TELO2: variants seen among roughly 807,000 people sequenced by gnomAD.
TELO2 encodes the protein telomere length regulation protein TEL2 homolog.
TELO2 carries 71 observed loss-of-function variants against 91.0 expected under a neutral mutation model. The ratio of observed to expected loss-of-function variants is 0.78; its 90% CI spans 0.64 to 0.95. The LOEUF (loss-of-function observed/expected upper bound fraction) is 0.95, where lower values mean the gene tolerates loss of function less well. Ranked by LOEUF, TELO2 falls within the 40% of genes least tolerant of loss-of-function variation. The pLI, the probability that TELO2 is intolerant of heterozygous loss-of-function variation, is 0.00. For missense variants in TELO2, 1,183 were observed against 1,141.3 expected (o/e 1.04, Z -0.53); for synonymous variants, 584 against 518.9 (o/e 1.13, Z -1.71).
rs1555470094 is a variant in TELO2, at chr16:1,496,985, C to G, written c.614-51C>G. ...GCAGCTCTCCCCACACCTAGATGTT[C>G]TTTTGTGCCTTCCCGCCGGCTTCCT... On this transcript the variant is annotated intron_variant, in intron 3 of 20. Coordinates refer to ENST00000262319, the MANE Select transcript of TELO2 (RefSeq NM_016111.4). The G allele has an allele frequency of 3.2e-6, 5 of 1,585,896 alleles. No homozygotes were observed. The Admixed American group carries it at 5.2e-5, about 16-fold the overall frequency.
intron 15 of TELO2, 83 bp downstream of exon 15, chr16:1,503,085 T>TG: frequency 6.6e-7 from 1 of 1,506,404 alleles, no homozygotes; most frequent in Non-Finnish European, 9.1e-7. Context: ...GTCTCCTTGT[T>TG]GCTGGGCCCC....
At chr16:1,498,511 C>T (rs979709973) in intron 5 of TELO2, among the ~76,000 whole-genome samples, 1 of 152,040 alleles carries the variant, frequency 6.6e-6, no homozygotes, top group Non-Finnish European at 1.5e-5. Flanking sequence ...GATTATAGCT[C>T]ACTGCAGCCT....
intron 9 of TELO2, among the ~76,000 whole-genome samples, chr16:1,500,930 G>A (rs775603865): frequency 1.1e-4 from 17 of 152,236 alleles, no homozygotes; most frequent in Non-Finnish European, 2.1e-4. Context: ...GCCTGGACAC[G>A]TTCACAGACT....
intron 2 of TELO2, 135 bp from the exon 3 acceptor site, chr16:1,495,211 G>C: frequency 1.6e-6 from 2 of 1,255,524 alleles, no homozygotes; most frequent in Non-Finnish European, 2.2e-6. Context: ...TTCCCATCCG[G>C]CTTGTGGTTT....
intron 11 of TELO2, 114 bp from the exon 12 acceptor site, chr16:1,501,933 C>A: frequency 1.3e-6 from 2 of 1,507,452 alleles, no homozygotes; most frequent in Non-Finnish European, 1.8e-6. Context: ...ACCGTAGGCG[C>A]AGGGGCCGAG....
chr16:1,504,874 G>A (rs202076966), intron 15 of TELO2, among the ~76,000 whole-genome samples: 27 of 152,072 alleles, frequency 1.8e-4, no homozygotes, highest in African/African-American at 5.3e-4. Flanking sequence ...TCACGCAGCC[G>A]CCTCTGTCTA....
Position 1,497,066 on chromosome 16 carries a change from C to T in TELO2, c.644C>T (p.Ser215Phe), listed in dbSNP as rs758288209. ...CTGGATTCCTCCGTGTCCTTCGTGT[C>T]TCAGGTCCTTGGGAAAGCCTGTGTC... Reference protein sequence around the residue: ...GGLDSSVSFVSQVLGKACVHG... With the variant: ...GGLDSSVSFVFQVLGKACVHG... Residue 215 changes from serine (S) to phenylalanine (F), a missense_variant, in exon 4 of 21, where the codon TCT becomes TTT. By Grantham distance (155) the Ser-to-Phe change is radical. Coordinates refer to ENST00000262319, the MANE Select transcript of TELO2 (RefSeq NM_016111.4). This position sits in a 1 kb window ranked among gnomAD's most constrained non-coding sequence, Gnocchi z 4.0. 1.9e-6 allele frequency: 3 copies of T among 1,614,116 alleles called. No individual in the cohort carries two copies. In the Admixed American group the frequency reaches 5.0e-5, roughly 27 times the overall value.
chr16:1,510,322 C>T lies in TELO2; in HGVS notation c.*386C>T. Reference sequence around the variant, plus strand: ...GGACAGAGCAGCTCTTGTCCCAGGTCCCTCGGGCTGAGCGCCGTGTCACCA... The same window carrying T: ...GGACAGAGCAGCTCTTGTCCCAGGTTCCTCGGGCTGAGCGCCGTGTCACCA... On this transcript the variant is annotated 3_prime_UTR_variant, in exon 21 of 21. Transcript: ENST00000262319. The T allele has an allele frequency of 3.8e-6, 1 of 262,682 alleles. No individual in the cohort carries two copies. Among genetic ancestry groups the T allele is most frequent in the Non-Finnish European group, 7.4e-6 (1 of 135,040 alleles). The allele number at this position is 262,682 out of a possible 1,614,324, so 16.3% of individuals were successfully genotyped here.
At position 1,497,883 on chromosome 16, in the gene TELO2, T is replaced by G. The variant is rs1399590579; in HGVS notation, c.830+375T>G. ...CGTCTTTGTGCAGGAGAATCAAGGT[T>G]GCATTTCTGGAAGCAGGACTGCCGG... On this transcript the variant is annotated intron_variant, in intron 5 of 20. Transcript: ENST00000262319. The surrounding 1 kb of genome is among the most constrained non-coding windows in gnomAD (Gnocchi z 4.0). Among the ~76,000 whole-genome samples the G allele has an allele frequency of 6.6e-6, 1 of 152,104 alleles. No individual in the cohort carries two copies. Among genetic ancestry groups the G allele is most frequent in the Non-Finnish European group, 1.5e-5 (1 of 68,008 alleles).
chr16:1,508,189 G>A (rs1255027096), intron 20 of TELO2, among the ~76,000 whole-genome samples: 1 of 152,014 alleles, frequency 6.6e-6, no homozygotes, highest in Non-Finnish European at 1.5e-5. Context: ...CTGGAGTGCC[G>A]TGGCACAATC....
intron 6 of TELO2, among the ~76,000 whole-genome samples, chr16:1,499,869 C>G (rs543084871): frequency 8.5e-5 from 13 of 152,368 alleles, no homozygotes; most frequent in African/African-American, 3.1e-4. Flanking sequence ...ACCGTTTTAT[C>G]ACGTTCAGTT....
Position 1,500,330 on chromosome 16 carries a change from G to A in TELO2, c.1003-17G>A, listed in dbSNP as rs753635237. On this transcript the variant is annotated splice_polypyrimidine_tract_variant and intron_variant, in intron 7 of 20. Transcript: ENST00000262319. ...TGGCCCCGAGCCCCACACAGTCGTGGGCCATGCCACCTGCAGGTGCTGAAG... is the reference window on the plus strand; with the variant it reads ...TGGCCCCGAGCCCCACACAGTCGTGAGCCATGCCACCTGCAGGTGCTGAAG... 86 of 1,572,244 alleles carry A rather than the reference G, an allele frequency of 5.5e-5. No individual in the cohort carries two copies. The highest frequency in any genetic ancestry group is 4.3e-4 in the Middle Eastern group (2 of 4,704).
chr16:1,505,240 G>A lies in TELO2; in HGVS notation c.1843-170G>A, dbSNP rs903289696. 2.5e-5 allele frequency: 18 copies of A among 723,940 alleles called. No individual in the cohort carries two copies. Among genetic ancestry groups the A allele is most frequent in the African/African-American group, 2.1e-4 (12 of 56,230 alleles). The allele number at this position is 723,940 out of a possible 1,614,324, so 44.8% of individuals were successfully genotyped here. ...TCCCCACCTTCCCGCCTACCAAGGC[G>A]CGGTTGCTGTGAGCTACGGGGAAGT... is the stretch of plus-strand genomic sequence containing the variant. On this transcript the variant is annotated intron_variant, in intron 15 of 20. Coordinates refer to ENST00000262319, the MANE Select transcript of TELO2 (RefSeq NM_016111.4). This position sits in a 1 kb window ranked among gnomAD's most constrained non-coding sequence, Gnocchi z 4.3.
intron 9 of TELO2, among the ~76,000 whole-genome samples, 198 bp downstream of exon 9, chr16:1,500,897 A>C (rs2039655403): frequency 6.6e-6 from 1 of 152,214 alleles, no homozygotes; most frequent in Non-Finnish European, 1.5e-5. Flanking sequence ...GGGTCGGGTG[A>C]GCACAGGGCC....
In TELO2 at chr16:1,505,586, C is replaced by G; in HGVS notation, c.2019C>G (p.Thr673=). The change falls in exon 16 of 21, where the codon ACC becomes ACG. Residue 673 remains threonine (T), a synonymous_variant. Transcript: ENST00000262319. This position sits in a 1 kb window ranked among gnomAD's most constrained non-coding sequence, Gnocchi z 4.3. Reference sequence around the variant, plus strand: ...TGGAGGAGCGGATCAGAAGCAAGACCCAGCGGCTCTCCAAGGTTAGTGGCG... The same window carrying G: ...TGGAGGAGCGGATCAGAAGCAAGACGCAGCGGCTCTCCAAGGTTAGTGGCG... ...VVVEERIRSK[T]QRLSKGGPRQ... is the part of the protein sequence containing the mutation. 1 of 1,612,370 alleles carries G rather than the reference C, an allele frequency of 6.2e-7. No homozygotes were observed. The highest frequency in any genetic ancestry group is 2.2e-5 in the East Asian group (1 of 44,846).
chr16:1,509,663 T>C (rs549249405), intron 20 of TELO2, among the ~76,000 whole-genome samples, 167 bp from the exon 21 acceptor site: 62 of 152,358 alleles, frequency 4.1e-4, no homozygotes, highest in South Asian at 1.0e-3. Flanking sequence ...GCCTGTGGCA[T>C]GCAGGCCCCA....
At chr16:1,509,252 A>T (rs1444537643) in intron 20 of TELO2, among the ~76,000 whole-genome samples, 3 of 152,012 alleles carry the variant, frequency 2.0e-5, no homozygotes, top group African/African-American at 7.3e-5. Context: ...TTCTCCTTTC[A>T]CAGGCACCTC....
intron 15 of TELO2, among the ~76,000 whole-genome samples, chr16:1,504,658 C>T (rs1304501505): frequency 2.0e-5 from 3 of 146,712 alleles, no homozygotes; most frequent in Non-Finnish European, 4.5e-5. Context: ...CCCGGGTTCA[C>T]GCCATTCTCC....
In TELO2 at chr16:1,494,835, C is replaced by G. The variant is rs1019813140; in HGVS notation, c.335+219C>G. Among the ~76,000 whole-genome samples the G allele has an allele frequency of 1.3e-5, 2 of 152,192 alleles. No homozygotes were observed. Among genetic ancestry groups the G allele is most frequent in the Non-Finnish European group, 2.9e-5 (2 of 68,032 alleles). On this transcript the variant is annotated intron_variant, in intron 2 of 20. Transcript: ENST00000262319. The surrounding 1 kb of genome is among the most constrained non-coding windows in gnomAD (Gnocchi z 5.6). Reference sequence around the variant, plus strand: ...CAAAGTCCCCCACTTGCTCCCCGTCCGGCTGTGTCAGAGAGGGATGGGGTG... The same window carrying G: ...CAAAGTCCCCCACTTGCTCCCCGTCGGGCTGTGTCAGAGAGGGATGGGGTG...
Sources: allele counts gnomAD v4.1 joint callset (sites outside exome capture counted in the v4.1 genomes callset), GRCh38; gene constraint gnomAD v4.1.1; non-coding constraint Gnocchi (gnomAD v3.1); transcripts MANE v1.5; gene names NCBI Gene and HGNC (gene_info 2026-07-23, HGNC 2026-07-21).